Variants in SCHIP1 observed in about 807,000 individuals in gnomAD.
SCHIP1 encodes schwannomin-interacting protein 1.
SCHIP1 carries 8 observed loss-of-function variants against 29.7 expected under a neutral mutation model. The ratio of observed to expected loss-of-function variants is 0.27; its 90% CI spans 0.16 to 0.49. SCHIP1 has a LOEUF of 0.49. Ranked by LOEUF, SCHIP1 falls within the 20% of genes least tolerant of loss-of-function variation. SCHIP1 has a pLI of 0.99. For missense variants in SCHIP1, 193 were observed against 294.6 expected (o/e 0.66, Z 2.52); for synonymous variants, 76 against 94.9 (o/e 0.80, Z 1.16).
chr3:159,526,688 T>C, the SCHIP1 span, among the ~76,000 whole-genome samples: 12 of 152,212 alleles, frequency 7.9e-5, no homozygotes, highest in Non-Finnish European at 1.3e-4. Flanking sequence ...CTGTTTGTTT[T>C]TGTTGTTGTT....
the SCHIP1 span, among the ~76,000 whole-genome samples, chr3:159,570,308 A>G: frequency 6.6e-6 from 1 of 152,110 alleles, no homozygotes; most frequent in Non-Finnish European, 1.5e-5. Context: ...TCCATCTTGA[A>G]TTAATTTTTT....
the SCHIP1 span, among the ~76,000 whole-genome samples, chr3:159,654,913 C>A: frequency 6.6e-6 from 1 of 152,012 alleles, no homozygotes; most frequent in South Asian, 2.1e-4. Context: ...GCAGTGCTGA[C>A]CAGAAGTGAT....
At chr3:159,752,275 C>T in the SCHIP1 span, among the ~76,000 whole-genome samples, 1 of 152,076 alleles carries the variant, frequency 6.6e-6, no homozygotes, top group East Asian at 1.9e-4. Context: ...CAAATAGATA[C>T]AAAGGTAAGA....
chr3:159,757,124 T>G, the SCHIP1 span, among the ~76,000 whole-genome samples: 1 of 152,218 alleles, frequency 6.6e-6, no homozygotes, highest in African/African-American at 2.4e-5. Flanking sequence ...AGCACCCCAC[T>G]CTACTGGTAC....
the SCHIP1 span, among the ~76,000 whole-genome samples, chr3:159,320,463 C>T: frequency 6.6e-6 from 1 of 152,100 alleles, no homozygotes; most frequent in Non-Finnish European, 1.5e-5. Flanking sequence ...TATGGTATTT[C>T]GTTATAGAAG....
the SCHIP1 span, among the ~76,000 whole-genome samples, chr3:159,605,971 G>A: frequency 7.1e-4 from 108 of 152,044 alleles, 1 homozygote; most frequent in African/African-American, 2.4e-3. Context: ...AGGACTCTGC[G>A]GCAGAAATCT....
At chr3:159,831,239 T>C in the SCHIP1 span, among the ~76,000 whole-genome samples, 1 of 152,316 alleles carries the variant, frequency 6.6e-6, no homozygotes, top group East Asian at 1.9e-4. Context: ...GATGATTTAG[T>C]GTGTCATGAA....
At chr3:159,689,222 A>C in the SCHIP1 span, among the ~76,000 whole-genome samples, 1 of 152,210 alleles carries the variant, frequency 6.6e-6, no homozygotes, top group East Asian at 1.9e-4. Flanking sequence ...GATTTTTCCT[A>C]TTCATGAACA....
chr3:159,303,450 A>AGAAAGAG, the SCHIP1 span, among the ~76,000 whole-genome samples: 1 of 148,032 alleles, frequency 6.8e-6, no homozygotes, highest in Admixed American at 6.8e-5. Context: ...GAGAGAGAGA[A>AGAAAGAG]AGAGAGAGAG....
chr3:159,405,830 C>T, the SCHIP1 span, among the ~76,000 whole-genome samples: 4 of 148,920 alleles, frequency 2.7e-5, no homozygotes, highest in Admixed American at 6.8e-5. Flanking sequence ...TTGCAGTGAG[C>T]TGAGATTGCA....
At chr3:159,582,706 T>C in the SCHIP1 span, among the ~76,000 whole-genome samples, 4 of 152,064 alleles carry the variant, frequency 2.6e-5, no homozygotes, top group African/African-American at 7.2e-5. Context: ...TGATATTTCT[T>C]TTATTGCAGT....
At chr3:159,801,578 C>T in the SCHIP1 span, among the ~76,000 whole-genome samples, 1 of 151,922 alleles carries the variant, frequency 6.6e-6, no homozygotes, top group South Asian at 2.1e-4. Flanking sequence ...TCTGTTTTGG[C>T]ATAATAAAAT....
chr3:159,325,192 C>T, the SCHIP1 span, among the ~76,000 whole-genome samples: 1 of 151,984 alleles, frequency 6.6e-6, no homozygotes, highest in Non-Finnish European at 1.5e-5. Context: ...TTCAAGTCAC[C>T]GTAATTATTA....
At chr3:159,828,441 G>GTA in the SCHIP1 span, among the ~76,000 whole-genome samples, 18 of 42,932 alleles carry the variant, frequency 4.2e-4, 2 homozygotes, top group African/African-American at 2.0e-3. Context: ...GTATATATAC[G>GTA]TATATATATA....
At chr3:159,434,054 C>T in the SCHIP1 span, among the ~76,000 whole-genome samples, 1 of 152,114 alleles carries the variant, frequency 6.6e-6, no homozygotes, top group Non-Finnish European at 1.5e-5. Context: ...GAGTGCATGT[C>T]TTATTTATCT....
At chr3:159,859,976 G>GGT (rs35639147) in intron 1 of SCHIP1, among the ~76,000 whole-genome samples, 73,625 of 149,918 alleles carry the variant, frequency 0.49, 18,060 homozygotes, top group East Asian at 0.66. Context: ...TGTGTGACAG[G>GGT]GTGTGTGTGT....
chr3:159,395,242 C>G, the SCHIP1 span, among the ~76,000 whole-genome samples: 1 of 152,008 alleles, frequency 6.6e-6, no homozygotes, highest in Non-Finnish European at 1.5e-5. Flanking sequence ...AGCGGTCTAT[C>G]TATTTTGTTG....
chr3:159,626,107 TAG>T, the SCHIP1 span, among the ~76,000 whole-genome samples: 1 of 116,058 alleles, frequency 8.6e-6, no homozygotes, highest in African/African-American at 6.5e-5. Flanking sequence ...GATAGATAGA[TAG>T]ATAGATAGAT....
At chr3:159,858,783 G>A (rs1207682239) in intron 1 of SCHIP1, among the ~76,000 whole-genome samples, 4 of 152,212 alleles carry the variant, frequency 2.6e-5, no homozygotes, top group African/African-American at 9.6e-5. Context: ...TCCGAGGCCA[G>A]CTCTCTCGTG....
Sources: allele counts gnomAD v4.1 joint callset (sites outside exome capture counted in the v4.1 genomes callset), GRCh38; gene constraint gnomAD v4.1.1; transcripts MANE v1.5; gene names NCBI Gene and HGNC (gene_info 2026-07-23, HGNC 2026-07-21).